SPOCK1: variants seen among roughly 807,000 people sequenced by gnomAD.
The protein encoded by SPOCK1 is testican-1.
A neutral mutation model predicts 55.3 loss-of-function variants in SPOCK1; 23 were observed. That is an observed-to-expected ratio of 0.42 (90% CI 0.30 to 0.59). The LOEUF (loss-of-function observed/expected upper bound fraction) is 0.59. Ranked by LOEUF, SPOCK1 falls within the 20% of genes least tolerant of loss-of-function variation. The pLI, the probability that SPOCK1 is intolerant of heterozygous loss-of-function variation, is 0.22. For synonymous variants in SPOCK1, 226 were observed against 221.0 expected, an observed-to-expected ratio of 1.02 and a Z score of -0.20; for missense variants, 499 against 552.5, an observed-to-expected ratio of 0.90 and a Z score of 0.97.
Position 137,115,580 on chromosome 5 carries a change from G to A in SPOCK1, c.348-3019C>T, listed in dbSNP as rs112373852. 8.1e-3 allele frequency among the ~76,000 whole-genome samples: 1,227 copies of A among 152,256 alleles called. 5 individuals are homozygous for A. Among genetic ancestry groups the A allele is most frequent in the Non-Finnish European group, 0.013 (876 of 68,022 alleles). On this transcript the variant is annotated intron_variant, in intron 4 of 10. Transcript: ENST00000394945. Reference sequence around the variant, plus strand: ...TCAGGTGGTTATGAATTATGCTCAGGTAAAATCACCTTTGACTTCTCCTAG... The same window carrying A: ...TCAGGTGGTTATGAATTATGCTCAGATAAAATCACCTTTGACTTCTCCTAG...
chr5:137,214,182 C>T (rs2127083629), intron 3 of SPOCK1, among the ~76,000 whole-genome samples: 2 of 152,290 alleles, frequency 1.3e-5, no homozygotes, highest in Admixed American at 1.3e-4. Context: ...ATTATCTCAA[C>T]TTATCTCCCC....
At chr5:137,141,504 G>A (rs529819432) in intron 3 of SPOCK1, among the ~76,000 whole-genome samples, 48 of 152,214 alleles carry the variant, frequency 3.2e-4, no homozygotes, top group Admixed American at 2.2e-3. Flanking sequence ...GTTTTGTGCC[G>A]CACAAAGTTA....
At chr5:137,132,764 A>G (rs1197911114) in intron 4 of SPOCK1, among the ~76,000 whole-genome samples, 1 of 152,186 alleles carries the variant, frequency 6.6e-6, no homozygotes, top group African/African-American at 2.4e-5. Flanking sequence ...GAAAATATGA[A>G]CTGCCCCCTC....
chr5:137,272,780 C>T (rs1375903832), intron 2 of SPOCK1, among the ~76,000 whole-genome samples: 3 of 135,856 alleles, frequency 2.2e-5, no homozygotes, highest in African/African-American at 8.4e-5. Flanking sequence ...CGCTTCTGAG[C>T]AGGGATGGGT....
chr5:137,356,873 A>AGAGAGAGAGAGAGAGAGAGAGT lies in SPOCK1; in HGVS notation c.187-89819_187-89818insACTCTCTCTCTCTCTCTCTCTC, dbSNP rs796667572. On this transcript the variant is annotated intron_variant, in intron 2 of 10. Transcript: ENST00000394945. ...GAGAGAGAGAGAGAGAGAGAGAGAG[A>AGAGAGAGAGAGAGAGAGAGAGT]GAGTATGCAGACCAACCAGGGGGCC... Among the ~76,000 whole-genome samples, 163 of 69,790 alleles carry AGAGAGAGAGAGAGAGAGAGAGT rather than the reference A, an allele frequency of 2.3e-3. 18 individuals are homozygous for AGAGAGAGAGAGAGAGAGAGAGT. Among genetic ancestry groups the AGAGAGAGAGAGAGAGAGAGAGT allele is most frequent in the African/African-American group, 5.9e-3 (81 of 13,688 alleles). The allele number at this position is 69,790 out of a possible 152,430, so 45.8% of individuals were successfully genotyped here.
chr5:137,150,525 C>T (rs1434661), intron 3 of SPOCK1, among the ~76,000 whole-genome samples: 136,270 of 152,020 alleles, frequency 0.9, 61,145 homozygotes, highest in African/African-American at 0.93. Flanking sequence ...CTTAAGGGCC[C>T]ACATTCAAGC....
At chr5:137,474,930 G>A (rs1753807173) in intron 2 of SPOCK1, among the ~76,000 whole-genome samples, 2 of 152,172 alleles carry the variant, frequency 1.3e-5, no homozygotes, top group Non-Finnish European at 2.9e-5. Context: ...ATTAATGCAT[G>A]CTAAAGTATT....
intron 2 of SPOCK1, among the ~76,000 whole-genome samples, chr5:137,365,721 C>T (rs1054813680): frequency 5.3e-5 from 8 of 152,112 alleles, no homozygotes; most frequent in South Asian, 4.1e-4. Context: ...TTCACCAAGA[C>T]GGGCAAGAGC....
chr5:137,356,798 A>AATAT (rs1191051173), intron 2 of SPOCK1, among the ~76,000 whole-genome samples: 160 of 13,642 alleles, frequency 0.012, 8 homozygotes, highest in African/African-American at 0.014. Context: ...CAAAAAAAAT[A>AATAT]ATATATATAT....
chr5:137,420,217 T>G (rs920476588), intron 2 of SPOCK1, among the ~76,000 whole-genome samples: 1 of 152,242 alleles, frequency 6.6e-6, no homozygotes, highest in African/African-American at 2.4e-5. Flanking sequence ...ATTGAGAATT[T>G]TTGCATCAAT....
At chr5:137,416,721 A>G (rs1254852356) in intron 2 of SPOCK1, among the ~76,000 whole-genome samples, 1 of 152,098 alleles carries the variant, frequency 6.6e-6, no homozygotes, top group African/African-American at 2.4e-5. Flanking sequence ...AGCATTTTAC[A>G]CTCTCAGCAA....
chr5:137,459,564 G>A (rs1298664597), intron 2 of SPOCK1, among the ~76,000 whole-genome samples: 1 of 151,318 alleles, frequency 6.6e-6, no homozygotes, highest in Non-Finnish European at 1.5e-5. Context: ...AGAAATTTAA[G>A]CAATGCTACT....
At chr5:137,108,788 T>G (rs1460700661) in intron 5 of SPOCK1, among the ~76,000 whole-genome samples, 1 of 152,102 alleles carries the variant, frequency 6.6e-6, no homozygotes, top group Admixed American at 6.6e-5. Flanking sequence ...GGCCCAGCAG[T>G]ATGTATATGC....
chr5:137,494,035 A>T (rs1032674955), intron 2 of SPOCK1, among the ~76,000 whole-genome samples: 13 of 152,206 alleles, frequency 8.5e-5, no homozygotes, highest in African/African-American at 3.1e-4. Flanking sequence ...AGGTCACTCC[A>T]CAGTAAGATA....
In SPOCK1 at chr5:137,067,825, T is replaced by TTGCA; in HGVS notation, c.475_478dup (p.Lys160MetfsTer19). ...AGTAGAACAAGCATGGAACTCCAAT[T>TTGCA]TGCACTGCAAAAGAGAGACACAACA... is the stretch of plus-strand genomic sequence containing the variant. On this transcript the variant is annotated frameshift_variant, in exon 6 of 11. Transcript: ENST00000394945. LOFTEE classifies it high-confidence loss of function. 6.2e-7 allele frequency: 1 copy of TTGCA among 1,613,716 alleles called. No homozygotes were observed. Among genetic ancestry groups the TTGCA allele is most frequent in the Non-Finnish European group, 8.5e-7 (1 of 1,179,704 alleles).
chr5:137,094,733 G>A, intron 5 of SPOCK1, among the ~76,000 whole-genome samples: 1 of 152,190 alleles, frequency 6.6e-6, no homozygotes, highest in East Asian at 1.9e-4. Context: ...AATAAAGTTT[G>A]CTGAATTGAT....
chr5:137,378,053 T>A (rs748073366), intron 2 of SPOCK1, among the ~76,000 whole-genome samples: 13 of 151,072 alleles, frequency 8.6e-5, no homozygotes, highest in Admixed American at 1.3e-4. Flanking sequence ...CAAGTGATTC[T>A]CCTGCCTCAG....
intron 2 of SPOCK1, among the ~76,000 whole-genome samples, chr5:137,304,498 G>T (rs924136791): frequency 6.6e-6 from 1 of 152,168 alleles, no homozygotes; most frequent in African/African-American, 2.4e-5. Context: ...GGGGCGGGGG[G>T]ACAGGAACTG....
At chr5:137,224,886 G>T (rs1316180034) in intron 3 of SPOCK1, among the ~76,000 whole-genome samples, 1 of 152,108 alleles carries the variant, frequency 6.6e-6, no homozygotes, top group East Asian at 1.9e-4. Context: ...ATCACAGGGG[G>T]CTGGAAGCAC....
Sources: gnomAD v4.1 joint callset for allele counts (sites outside exome capture counted in the v4.1 genomes callset) on GRCh38, gnomAD v4.1.1 for gene constraint, MANE v1.5 for transcripts, NCBI Gene and HGNC (gene_info 2026-07-23, HGNC 2026-07-21) for gene names.